Variants in DCUN1D3 observed in about 807,000 individuals in gnomAD.
The protein encoded by DCUN1D3 is defective in cullin neddylation 1 domain containing 3.
Under a neutral mutation model 24.8 loss-of-function variants are expected in DCUN1D3, and 6 were observed. That is an observed-to-expected ratio of 0.24 (90% CI 0.13 to 0.48). The LOEUF (loss-of-function observed/expected upper bound fraction) is 0.48, where lower values mean the gene tolerates loss of function less well. DCUN1D3 is among the 20% of genes least tolerant of loss of function. The probability of loss-of-function intolerance (pLI) is 0.99; values close to 1 mark genes in which losing one functional copy is unlikely to be tolerated. For missense variants in DCUN1D3, 258 were observed against 379.4 expected, an observed-to-expected ratio of 0.68 and a Z score of 2.66; for synonymous variants, 120 against 144.9, an observed-to-expected ratio of 0.83 and a Z score of 1.24.
intron 1 of DCUN1D3, among the ~76,000 whole-genome samples, chr16:20,895,413 C>T (rs1311745016): frequency 1.3e-5 from 2 of 152,116 alleles, no homozygotes; most frequent in African/African-American, 4.8e-5. Context: ...CAGGAATGAG[C>T]CACCACACCC....
At chr16:20,861,960 C>T in intron 2 of DCUN1D3, 148 bp downstream of exon 2, 2 of 824,764 alleles carry the variant, frequency 2.4e-6, no homozygotes, top group Non-Finnish European at 1.9e-6. Flanking sequence ...TCAAAAGATT[C>T]AAGCTTTAGA....
chr16:20,889,433 T>C (rs996830438), intron 1 of DCUN1D3, among the ~76,000 whole-genome samples: 4 of 152,108 alleles, frequency 2.6e-5, no homozygotes, highest in Non-Finnish European at 4.4e-5. Flanking sequence ...AGCTGGTTTC[T>C]TGCATTAGGG....
chr16:20,885,262 C>T (rs1455157081), intron 1 of DCUN1D3, among the ~76,000 whole-genome samples: 1 of 152,122 alleles, frequency 6.6e-6, no homozygotes, highest in Non-Finnish European at 1.5e-5. Flanking sequence ...AGGTGTGAGC[C>T]ATTGCACCCG....
chr16:20,888,264 G>A (rs561332662), intron 1 of DCUN1D3, among the ~76,000 whole-genome samples: 104 of 152,154 alleles, frequency 6.8e-4, no homozygotes, highest in Non-Finnish European at 1.2e-3. Context: ...ACTGTGCCAT[G>A]TCCTTCGAAT....
rs760918785 is a variant in DCUN1D3, at chr16:20,862,284, C to T, written c.255G>A (p.Glu85=). The T allele has an allele frequency of 1.3e-5, 21 of 1,614,134 alleles. No homozygotes were observed. The highest frequency in any genetic ancestry group is 1.6e-5 in the Non-Finnish European group (19 of 1,180,060). Residue 85 remains glutamate (E), a synonymous_variant, in exon 2 of 3, where the codon GAG becomes GAA. Transcript: ENST00000324344. ...AGRESKSNAE[E]SSLQRLEELF... is the part of the protein sequence containing the mutation. ...GTTCTTCCAATCTTTGCAAGGAAGA[C>T]TCCTCGGCATTGGACTTGGACTCCC...
intron 1 of DCUN1D3, among the ~76,000 whole-genome samples, chr16:20,876,538 G>GT (rs1800419328): frequency 6.6e-6 from 1 of 151,766 alleles, no homozygotes; most frequent in South Asian, 2.1e-4. Context: ...ATGGAAAACA[G>GT]TATAAAGGGC....
intron 1 of DCUN1D3, among the ~76,000 whole-genome samples, chr16:20,862,936 T>C (rs1456843358): frequency 6.6e-6 from 1 of 152,162 alleles, no homozygotes; most frequent in African/African-American, 2.4e-5. Context: ...CTGACAGAAA[T>C]ATTCCAGAGG....
intron 1 of DCUN1D3, among the ~76,000 whole-genome samples, chr16:20,871,454 T>C (rs1473402574): frequency 6.6e-6 from 1 of 152,248 alleles, no homozygotes; most frequent in Non-Finnish European, 1.5e-5. Flanking sequence ...TTAGGTCACA[T>C]GACTAAGACC....
Position 20,862,438 on chromosome 16 carries a change from G to A in DCUN1D3, c.101C>T (p.Ala34Val). Residue 34 changes from alanine (A) to valine (V), a missense_variant, in exon 2 of 3, where the codon GCA (alanine) becomes GTA (valine). Physicochemically the swap from Ala to Val is moderately conservative, Grantham distance 64 (BLOSUM62 0). Transcript: ENST00000324344. The part of the protein sequence containing the change: ...PSNKSHSRRG[A>V]GHREEQVPPC... ...TGGTACCTGCTCCTCACGGTGGCCT[G>A]CACCCCTCCTGCTATGTGACTTGTT... The A allele has an allele frequency of 6.2e-7, 1 of 1,613,710 alleles. No homozygotes were observed. Among genetic ancestry groups the A allele is most frequent in the South Asian group, 1.1e-5 (1 of 91,070 alleles).
In DCUN1D3 at chr16:20,888,247, G is replaced by A. The variant is rs114251029; in HGVS notation, c.-106+11957C>T. On this transcript the variant is annotated intron_variant, in intron 1 of 2. Transcript: ENST00000324344. ...AATGTTATTAAATGTTTGTTTTTAT[G>A]CCCAGCACTGTGCCATGTCCTTCGA... 7.5e-3 allele frequency among the ~76,000 whole-genome samples: 1,148 copies of A among 152,202 alleles called. 24 individuals carry two copies. The highest frequency in any genetic ancestry group is 0.026 in the African/African-American group (1,081 of 41,524).
At chr16:20,899,593 G>A (rs1567434196) in intron 1 of DCUN1D3, among the ~76,000 whole-genome samples, 1 of 152,110 alleles carries the variant, frequency 6.6e-6, no homozygotes, top group Non-Finnish European at 1.5e-5. Flanking sequence ...GAAACCAGGG[G>A]TGTGCATGGG....
intron 1 of DCUN1D3, among the ~76,000 whole-genome samples, chr16:20,888,877 AG>A (rs1432808762): frequency 6.6e-6 from 1 of 152,194 alleles, no homozygotes; most frequent in Non-Finnish European, 1.5e-5. Flanking sequence ...ACTTGAGGTC[AG>A]GAGTTCGAGA....
rs367635320 is a variant in DCUN1D3 at position 20,874,687 on chromosome 16, AT to A, written c.-105-12045del. On this transcript the variant is annotated intron_variant, in intron 1 of 2. Transcript: ENST00000324344. ...CTATCACTGAGACAATTTCTCTTTG[AT>A]TTTACATGCCGAAGAGCCTATTAAG... Among the ~76,000 whole-genome samples the A allele has an allele frequency of 5.3e-5, 8 of 152,254 alleles. No homozygotes were observed. In the East Asian group the frequency reaches 1.4e-3, roughly 26 times the overall value.
chr16:20,858,846 TAA>T lies in DCUN1D3; in HGVS notation c.*1038_*1039del, dbSNP rs1220029181. On this transcript the variant is annotated 3_prime_UTR_variant, in exon 3 of 3. Coordinates refer to ENST00000324344, the MANE Select transcript of DCUN1D3 (RefSeq NM_173475.4). ...TATTCAAAGAAAAAAATAAAAATAT[TAA>T]AAAAAAAAAAATTCAAGCAGAGCTC... is the stretch of plus-strand genomic sequence containing the variant. The T allele has an allele frequency of 8.2e-6, 1 of 122,078 alleles. No homozygotes were observed. Among genetic ancestry groups the T allele is most frequent in the Non-Finnish European group, 1.7e-5 (1 of 57,566 alleles). The allele number at this position is 122,078 out of a possible 1,614,324, so 7.6% of individuals were successfully genotyped here. A position where few individuals can be genotyped will look rare whatever the true frequency, so the allele number is the denominator to read the frequency against.
chr16:20,870,737 C>T (rs2081784207), intron 1 of DCUN1D3, among the ~76,000 whole-genome samples: 1 of 152,184 alleles, frequency 6.6e-6, no homozygotes, highest in African/African-American at 2.4e-5. Flanking sequence ...GATGCTGGTG[C>T]TCCTACATAT....
At chr16:20,883,813 G>C (rs2081856390) in intron 1 of DCUN1D3, among the ~76,000 whole-genome samples, 1 of 152,224 alleles carries the variant, frequency 6.6e-6, no homozygotes, top group African/African-American at 2.4e-5. Context: ...CAACGATTGA[G>C]AGCTGTGAAC....
chr16:20,879,629 T>C (rs981995486), intron 1 of DCUN1D3, among the ~76,000 whole-genome samples: 2 of 152,214 alleles, frequency 1.3e-5, no homozygotes, highest in Non-Finnish European at 2.9e-5. Context: ...AACAAGTCAC[T>C]ACCCTTTCAG....
chr16:20,869,735 G>A (rs1313523887), intron 1 of DCUN1D3, among the ~76,000 whole-genome samples: 3 of 152,022 alleles, frequency 2.0e-5, no homozygotes, highest in Non-Finnish European at 4.4e-5. Context: ...TGTAATCCAC[G>A]ACTCTATAAG....
intron 1 of DCUN1D3, chr16:20,896,214 T>C (rs1000276723): frequency 6.6e-6 from 1 of 152,190 alleles, no homozygotes; most frequent in African/African-American, 2.4e-5. Context: ...TTATAAAAGG[T>C]AACCCCACTG....
Sources: allele counts gnomAD v4.1 joint callset (sites outside exome capture counted in the v4.1 genomes callset), GRCh38; gene constraint gnomAD v4.1.1; transcripts MANE v1.5; gene names NCBI Gene and HGNC (gene_info 2026-07-23, HGNC 2026-07-21).